SVOP: variants seen among roughly 807,000 people sequenced by gnomAD.
SVOP encodes SV2 related protein, also known as synaptic vesicle 2-related protein.
A neutral mutation model predicts 69.1 loss-of-function variants in SVOP; 17 were observed. That is an observed-to-expected ratio of 0.25 (90% CI 0.17 to 0.37). The LOEUF is 0.37. Ranked by LOEUF, SVOP falls within the 10% of genes least tolerant of loss-of-function variation. The pLI is 1.00. For missense variants in SVOP, 435 were observed against 597.5 expected (o/e 0.73, Z 2.84); for synonymous variants, 238 against 238.6 (o/e 1.00, Z 0.02).
intron 11 of SVOP, among the ~76,000 whole-genome samples, chr12:108,929,557 C>T (rs560000012): frequency 5.7e-4 from 87 of 152,310 alleles, no homozygotes; most frequent in African/African-American, 2.1e-3. Context: ...AATCCTCCCA[C>T]TTTTGCCTCC....
chr12:108,921,326 C>T lies in SVOP; in HGVS notation c.1156+1364G>A, dbSNP rs145432077. 3.2e-3 allele frequency among the ~76,000 whole-genome samples: 490 copies of T among 152,238 alleles called. 2 individuals are homozygous for T. Among genetic ancestry groups the T allele is most frequent in the African/African-American group, 0.011 (467 of 41,530 alleles). On this transcript the variant is annotated intron_variant, in intron 12 of 15. Coordinates refer to ENST00000610966, the MANE Select transcript of SVOP (RefSeq NM_018711.5). ...TCTAGGGTGGCAGCACAGGTCTTAG[C>T]GCTGCCTGCTGTGGGGTACTCAGTA...
chr12:109,001,420 G>GCTAC, intron 1 of SVOP, among the ~76,000 whole-genome samples: 1 of 151,584 alleles, frequency 6.6e-6, no homozygotes, highest in Admixed American at 6.6e-5. Context: ...TCCCCATAAA[G>GCTAC]CTACCAATGA....
intron 1 of SVOP, among the ~76,000 whole-genome samples, chr12:108,997,161 G>T (rs112156873): frequency 0.037 from 5,643 of 152,272 alleles, 322 homozygotes; most frequent in African/African-American, 0.13. Flanking sequence ...AGCGCAAGGG[G>T]TCAGGGAGTT....
At chr12:108,984,495 AGTTGACCACT>A (rs2040157275) in intron 1 of SVOP, among the ~76,000 whole-genome samples, 1 of 151,304 alleles carries the variant, frequency 6.6e-6, no homozygotes, top group African/African-American at 2.4e-5. Flanking sequence ...TGCACTCCAC[AGTTGACCACT>A]GTCTCATTAT....
At chr12:109,006,167 C>T (rs537391301) in intron 1 of SVOP, among the ~76,000 whole-genome samples, 77 of 152,254 alleles carry the variant, frequency 5.1e-4, no homozygotes, top group Non-Finnish European at 8.4e-4. Flanking sequence ...ATTCTCCTGC[C>T]TCAACCTCCC....
chr12:108,965,143 A>G (rs1296642118), intron 5 of SVOP, among the ~76,000 whole-genome samples: 1 of 152,240 alleles, frequency 6.6e-6, no homozygotes, highest in Non-Finnish European at 1.5e-5. Context: ...CTCTGACTTC[A>G]TGGAACTTTC....
intron 5 of SVOP, among the ~76,000 whole-genome samples, chr12:108,966,067 TCA>T (rs2040043998): frequency 6.6e-6 from 1 of 151,224 alleles, no homozygotes; most frequent in Non-Finnish European, 1.5e-5. Context: ...AGTGGCTCAG[TCA>T]CAGCTCACTG....
rs533804117 is a variant in SVOP, at chr12:108,910,016, G to T, written c.*2519C>A. On this transcript the variant is annotated 3_prime_UTR_variant, in exon 16 of 16. Coordinates refer to ENST00000610966, the MANE Select transcript of SVOP (RefSeq NM_018711.5). ...GCTCTGTCGCCCAGGCTGGAGTGCA[G>T]TGGCGCGATCTCGGCTCACTGCAAG... The T allele has an allele frequency of 6.6e-6, 1 of 152,556 alleles. No homozygotes were observed. The highest frequency in any genetic ancestry group is 1.9e-4 in the East Asian group (1 of 5,200). 9.5% of individuals were successfully genotyped at this position (152,556 alleles called of 1,614,324 possible).
chr12:108,972,031 C>A lies in SVOP; in HGVS notation c.453+374G>T, dbSNP rs528641396. ...ACTGTGCCACTGCACTCCAGGAAGACCCTGTCTCAAACAAAAAGAAAAACA... is the reference window on the plus strand; with the variant it reads ...ACTGTGCCACTGCACTCCAGGAAGAACCTGTCTCAAACAAAAAGAAAAACA... On this transcript the variant is annotated intron_variant, in intron 5 of 15. Coordinates refer to ENST00000610966, the MANE Select transcript of SVOP (RefSeq NM_018711.5). Among the ~76,000 whole-genome samples the A allele has an allele frequency of 6.4e-4, 97 of 151,424 alleles. 1 individual carries two copies. Among genetic ancestry groups the A allele is most frequent in the Admixed American group, 3.2e-3 (49 of 15,094 alleles).
intron 1 of SVOP, among the ~76,000 whole-genome samples, chr12:109,014,547 A>T (rs910678946): frequency 6.6e-6 from 1 of 152,176 alleles, no homozygotes; most frequent in African/African-American, 2.4e-5. Flanking sequence ...ATTATTTTGC[A>T]TCTATAACCA....
intron 7 of SVOP, among the ~76,000 whole-genome samples, chr12:108,943,940 G>A (rs1374125959): frequency 6.6e-6 from 1 of 151,228 alleles, no homozygotes; most frequent in Non-Finnish European, 1.5e-5. Flanking sequence ...GGAGTACAGT[G>A]GCACGATCTC....
chr12:108,918,799 A>G (rs2039730067), intron 13 of SVOP, among the ~76,000 whole-genome samples: 1 of 152,220 alleles, frequency 6.6e-6, no homozygotes, highest in South Asian at 2.1e-4. Context: ...AGCTACATTT[A>G]TGATCTCATT....
chr12:108,936,609 G>T (rs1052584148), intron 10 of SVOP, among the ~76,000 whole-genome samples: 1 of 152,092 alleles, frequency 6.6e-6, no homozygotes, highest in Non-Finnish European at 1.5e-5. Context: ...CTGAGTAGCT[G>T]GGACCACAGG....
intron 9 of SVOP, 120 bp from the exon 10 acceptor site, chr12:108,937,457 T>A: frequency 1.0e-6 from 1 of 953,520 alleles, no homozygotes. Context: ...AGTAGGACAC[T>A]GGAGCTCTGA....
chr12:108,963,591 G>A (rs1447406916), intron 5 of SVOP, among the ~76,000 whole-genome samples: 5 of 152,086 alleles, frequency 3.3e-5, no homozygotes, highest in Admixed American at 2.0e-4. Flanking sequence ...GGGTTCAAGC[G>A]ATTCTCCTGC....
At chr12:109,006,606 G>A (rs372270450) in intron 1 of SVOP, among the ~76,000 whole-genome samples, 4 of 152,116 alleles carry the variant, frequency 2.6e-5, no homozygotes, top group South Asian at 2.1e-4. Context: ...AGAGGCTGCC[G>A]GCTTAGGTTC....
intron 1 of SVOP, among the ~76,000 whole-genome samples, chr12:108,999,475 A>G (rs1456835126): frequency 7.1e-6 from 1 of 141,048 alleles, no homozygotes; most frequent in Non-Finnish European, 1.6e-5. Context: ...ATAGACATCT[A>G]CAGAACTCTC....
At chr12:108,963,952 G>T (rs2040031260) in intron 5 of SVOP, among the ~76,000 whole-genome samples, 1 of 152,172 alleles carries the variant, frequency 6.6e-6, no homozygotes. Flanking sequence ...AATTGTTATT[G>T]ATCTTCCAAT....
rs139488443 is a variant in SVOP, at chr12:108,916,155, A to G, written c.1351-283T>C. 9.6e-4 allele frequency among the ~76,000 whole-genome samples: 146 copies of G among 152,336 alleles called. 1 individual carries two copies. Among genetic ancestry groups the G allele is most frequent in the African/African-American group, 3.3e-3 (139 of 41,572 alleles). ...GACTCCTCCACCAGGAACTGCCACA[A>G]GTTCACAACTCAGGGGTTGCTCTCT... On this transcript the variant is annotated intron_variant, in intron 14 of 15. Coordinates refer to ENST00000610966, the MANE Select transcript of SVOP (RefSeq NM_018711.5).
Sources: allele counts gnomAD v4.1 joint callset (sites outside exome capture counted in the v4.1 genomes callset), GRCh38; gene constraint gnomAD v4.1.1; transcripts MANE v1.5; gene names NCBI Gene and HGNC (gene_info 2026-07-23, HGNC 2026-07-21).